Variants in CLN3 observed in about 807,000 individuals in gnomAD.
CLN3 encodes the protein CLN3 lysosomal/endosomal transmembrane protein, battenin, also known as battenin.
Under a neutral mutation model 60.7 loss-of-function variants are expected in CLN3, and 49 were observed. The ratio of observed to expected loss-of-function variants is 0.81; its 90% CI spans 0.64 to 1.02. The LOEUF is 1.02. CLN3 is among the 50% of genes least tolerant of loss of function. The pLI is 0.00. For synonymous variants in CLN3, 256 were observed against 245.8 expected, an observed-to-expected ratio of 1.04 and a Z score of -0.39; for missense variants, 516 against 557.4, an observed-to-expected ratio of 0.93 and a Z score of 0.75.
At chr16:28,479,306 C>A (rs1343753640) in intron 14 of CLN3, among the ~76,000 whole-genome samples, 1 of 152,206 alleles carries the variant, frequency 6.6e-6, no homozygotes, top group Non-Finnish European at 1.5e-5. Flanking sequence ...ACACCTCTAG[C>A]CAGGTGTGGT....
At chr16:28,480,432 G>A (rs1368836283) in intron 14 of CLN3, among the ~76,000 whole-genome samples, 1 of 150,270 alleles carries the variant, frequency 6.7e-6, no homozygotes, top group Non-Finnish European at 1.5e-5. Flanking sequence ...ATGGAGTCTC[G>A]CTCTGTGGCC....
chr16:28,473,431 G>A (rs1011822517), downstream of CLN3, among the ~76,000 whole-genome samples: 1 of 151,828 alleles, frequency 6.6e-6, no homozygotes, highest in African/African-American at 2.4e-5. Context: ...ACCTTGCAAT[G>A]TTGCTCATGC....
At chr16:28,483,775 C>CAG (rs1319261513) in intron 10 of CLN3, among the ~76,000 whole-genome samples, 1 of 132,090 alleles carries the variant, frequency 7.6e-6, no homozygotes. Flanking sequence ...AGGCTGGACT[C>CAG]AGACTTCTGA....
intron 14 of CLN3, among the ~76,000 whole-genome samples, chr16:28,481,727 C>G (rs994222039): frequency 2.0e-5 from 3 of 152,068 alleles, no homozygotes; most frequent in African/African-American, 4.8e-5. Context: ...ACAATTTACA[C>G]TTCCCTGTAA....
rs759769158 is a variant in CLN3 at position 28,486,588 on chromosome 16, A to G, written c.523T>C (p.Phe175Leu). Residue 175 changes from phenylalanine to leucine, a missense_variant, in exon 8 of 16, where the codon TTC becomes CTC. Coordinates refer to ENST00000636147, the MANE Select transcript of CLN3 (RefSeq NM_001042432.2). ...GCTCCACCTGCTTACCTGGGGTAGA[A>G]GGCAGTGAGGGAGAGGAAGGTGACC... ...GEVTFLSLTA[F>L]YPRAVISWWS... 6.2e-7 allele frequency: 1 copy of G among 1,611,212 alleles called. No individual in the cohort carries two copies. The highest frequency in any genetic ancestry group is 8.5e-7 in the Non-Finnish European group (1 of 1,178,774).
chr16:28,481,417 A>AACACACAT (rs1443738755), intron 14 of CLN3, among the ~76,000 whole-genome samples: 26 of 129,678 alleles, frequency 2.0e-4, no homozygotes, highest in African/African-American at 7.6e-4. Context: ...CAATGCTTAA[A>AACACACAT]ACACACACAC....
chr16:28,482,468 C>G lies in CLN3; in HGVS notation c.906+9G>C, dbSNP rs1191183887. On this transcript the variant is annotated intron_variant, in intron 12 of 15. Transcript: ENST00000636147. Reference sequence around the variant, plus strand: ...CACCTCCACACCCCTCCTAGCACCCCTCACTTACAAGTCCCTGGTTAATGA... The same window carrying G: ...CACCTCCACACCCCTCCTAGCACCCGTCACTTACAAGTCCCTGGTTAATGA... 1 of 1,614,178 alleles carries G rather than the reference C, an allele frequency of 6.2e-7. No homozygotes were observed. The highest frequency in any genetic ancestry group is 1.7e-5 in the Admixed American group (1 of 60,034).
downstream of CLN3, among the ~76,000 whole-genome samples, chr16:28,474,705 CAT>C (rs1167330084): frequency 2.6e-5 from 4 of 152,286 alleles, no homozygotes; most frequent in African/African-American, 4.8e-5. Context: ...AAATGGAAAA[CAT>C]GTGTCCACAC....
chr16:28,481,095 G>T (rs933618767), intron 14 of CLN3, among the ~76,000 whole-genome samples: 1 of 152,116 alleles, frequency 6.6e-6, no homozygotes, highest in African/African-American at 2.4e-5. Flanking sequence ...GACAGAGGAA[G>T]GTTCCGACTT....
chr16:28,487,086 T>G (rs1343574371), intron 7 of CLN3: 1 of 369,054 alleles, frequency 2.7e-6, no homozygotes, highest in African/African-American at 2.1e-5. Context: ...AATTTTTGTA[T>G]TTTTGGTAGA....
chr16:28,487,683 C>T lies in CLN3; in HGVS notation c.353G>A (p.Gly118Asp), dbSNP rs753305901. 1.9e-6 allele frequency: 3 copies of T among 1,613,914 alleles called. No homozygotes were observed. The Admixed American group carries it at 5.0e-5, about 27-fold the overall frequency. Reference sequence around the variant, plus strand: ...AGACCTGTAGGGCAGCAGGTGAAGGCCAAGAGGAGCCAACAATTTGATGAC... The same window carrying T: ...AGACCTGTAGGGCAGCAGGTGAAGGTCAAGAGGAGCCAACAATTTGATGAC... ...TLVIKLLAPL[G>D]LHLLPYSPRV... is the part of the protein sequence containing the mutation. The change falls in exon 6 of 16, where the codon GGC becomes GAC. Residue 118 changes from glycine to aspartate, a missense_variant. By Grantham distance (94) the Gly-to-Asp change is moderately conservative (BLOSUM62 -1). Transcript: ENST00000636147.
chr16:28,481,952 A>C (rs547241805), intron 14 of CLN3, among the ~76,000 whole-genome samples, 153 bp downstream of exon 14: 2 of 149,472 alleles, frequency 1.3e-5, no homozygotes, highest in Non-Finnish European at 3.0e-5. Context: ...GCGCTACTGC[A>C]CTCCAGCCTG....
downstream of CLN3, among the ~76,000 whole-genome samples, chr16:28,473,032 G>C (rs1200365565): frequency 2.0e-5 from 3 of 152,004 alleles, no homozygotes; most frequent in Non-Finnish European, 4.4e-5. Context: ...CGAATTCCTA[G>C]GCTCAAGTGA....
Position 28,488,669 on chromosome 16 carries a change from G to T in CLN3, c.223-7C>A. On this transcript the variant is annotated splice_polypyrimidine_tract_variant and splice_region_variant and intron_variant, in intron 4 of 15. Transcript: ENST00000636147. ...GCGTTGGGCCTGGGTCCACCTAATG[G>T]GAGAAAAGCATGTCTTTCACCCTGG... The T allele has an allele frequency of 6.2e-7, 1 of 1,613,898 alleles. No homozygotes were observed. The highest frequency in any genetic ancestry group is 8.5e-7 in the Non-Finnish European group (1 of 1,179,802).
chr16:28,476,911 C>T (rs993408289), downstream of CLN3: 10 of 162,274 alleles, frequency 6.2e-5, no homozygotes, highest in East Asian at 1.4e-3. Flanking sequence ...CCAAGGTGGG[C>T]GGATCACCTG....
In CLN3 at chr16:28,487,546, G is replaced by A; in HGVS notation, c.375-5C>T. The A allele has an allele frequency of 6.2e-7, 1 of 1,613,624 alleles. No individual in the cohort carries two copies. The highest frequency in any genetic ancestry group is 1.3e-5 in the African/African-American group (1 of 75,006). On this transcript the variant is annotated splice_region_variant and splice_polypyrimidine_tract_variant and intron_variant, in intron 6 of 15. Coordinates refer to ENST00000636147, the MANE Select transcript of CLN3 (RefSeq NM_001042432.2). ...CCACTGACGAGAACCCGGGGGCTGA[G>A]GGGGTGAGAAGGGAAGGGAGGGGGA...
chr16:28,491,585 A>T (rs2046315474), intron 2 of CLN3, 25 bp from the exon 3 acceptor site: 6 of 1,611,776 alleles, frequency 3.7e-6, no homozygotes, highest in Non-Finnish European at 3.4e-6. Context: ...AGAGGGCATG[A>T]CCCCCACCTA....
downstream of CLN3, among the ~76,000 whole-genome samples, chr16:28,473,856 A>G (rs1174229258): frequency 2.0e-5 from 3 of 152,208 alleles, no homozygotes; most frequent in Non-Finnish European, 4.4e-5. Context: ...AAAGATGCTC[A>G]GCATCATTAG....
At chr16:28,470,629 G>C (rs1161489188), downstream of CLN3, 1 of 107,170 alleles carries the variant, frequency 9.3e-6, no homozygotes, top group Non-Finnish European at 1.9e-5. Flanking sequence ...AAGGGGAGGG[G>C]AGGGGGAGGG....
Sources: allele counts gnomAD v4.1 joint callset (sites outside exome capture counted in the v4.1 genomes callset), GRCh38; gene constraint gnomAD v4.1.1; transcripts MANE v1.5; gene names NCBI Gene and HGNC (gene_info 2026-07-23, HGNC 2026-07-21).